Variants in BLNK observed in about 807,000 individuals in gnomAD.
BLNK encodes the protein B-cell linker protein.
BLNK carries 29 observed loss-of-function variants against 73.5 expected under a neutral mutation model. That is an observed-to-expected ratio of 0.39 (90% CI 0.29 to 0.54). The LOEUF is 0.54. Among genes scored for constraint, BLNK ranks in the 20% least tolerant of loss-of-function variants. The pLI, the probability that BLNK is intolerant of heterozygous loss-of-function variation, is 0.61. For missense variants in BLNK, 460 were observed against 562.8 expected, an observed-to-expected ratio of 0.82 and a Z score of 1.85; for synonymous variants, 176 against 200.8, an observed-to-expected ratio of 0.88 and a Z score of 1.04.
At chr10:96,254,821 T>A (rs1214138232) in intron 1 of BLNK, among the ~76,000 whole-genome samples, 1 of 152,072 alleles carries the variant, frequency 6.6e-6, no homozygotes, top group Non-Finnish European at 1.5e-5. Flanking sequence ...CTTCAATGAG[T>A]CTTTTATGAA....
intron 1 of BLNK, among the ~76,000 whole-genome samples, chr10:96,268,410 T>A (rs547335482): frequency 6.6e-6 from 1 of 152,210 alleles, no homozygotes; most frequent in African/African-American, 2.4e-5. Context: ...CTTTACCTTA[T>A]ACAATTAAGG....
intron 3 of BLNK, among the ~76,000 whole-genome samples, chr10:96,231,072 A>C (rs1842482701): frequency 6.6e-6 from 1 of 152,232 alleles, no homozygotes; most frequent in African/African-American, 2.4e-5. Context: ...CGTCTGATCC[A>C]TGTGTGGGCT....
chr10:96,210,864 T>TTG (rs2083930170), intron 8 of BLNK, among the ~76,000 whole-genome samples: 1 of 119,144 alleles, frequency 8.4e-6, no homozygotes, highest in African/African-American at 4.1e-5. Flanking sequence ...CACAATTCCG[T>TTG]TTTTTTTTTT....
At chr10:96,248,681 C>T (rs1043943492) in intron 1 of BLNK, among the ~76,000 whole-genome samples, 9 of 152,172 alleles carry the variant, frequency 5.9e-5, no homozygotes, top group African/African-American at 1.9e-4. Context: ...CTTCTCCCTG[C>T]TTCTTCTGCC....
Position 96,271,535 on chromosome 10 carries a change from G to A in BLNK, c.-137C>T, listed in dbSNP as rs1355454571. The A allele has an allele frequency of 5.7e-6, 5 of 878,612 alleles. No homozygotes were observed. In the African/African-American group the frequency reaches 8.3e-5, roughly 15 times the overall value. 54.4% of individuals were successfully genotyped at this position (878,612 alleles called of 1,614,324 possible). A position where few individuals can be genotyped will look rare whatever the true frequency, so the allele number is the denominator to read the frequency against. On this transcript the variant is annotated 5_prime_UTR_variant, in exon 1 of 17. Transcript: ENST00000224337. ...CTCAAGTCTGATTTCTGAGAGTGCA[G>A]GCTGCTGGCAAACACCCCTGCTCTA...
At chr10:96,269,421 C>CA (rs11295392) in intron 1 of BLNK, among the ~76,000 whole-genome samples, 4,636 of 136,608 alleles carry the variant, frequency 0.034, 76 homozygotes, top group Middle Eastern at 0.06. Context: ...TGTCTGAAAA[C>CA]AAAAAAAAAA....
intron 11 of BLNK, among the ~76,000 whole-genome samples, chr10:96,206,721 G>A (rs2083820481): frequency 6.6e-6 from 1 of 152,098 alleles, no homozygotes; most frequent in South Asian, 2.1e-4. Context: ...CATGTGAATG[G>A]CTCTACGTTA....
intron 12 of BLNK, chr10:96,204,306 A>T: frequency 1.4e-6 from 1 of 704,376 alleles, no homozygotes; most frequent in East Asian, 2.7e-5. Context: ...TGACTAAAGT[A>T]TTGTATTTTA....
intron 9 of BLNK, 119 bp from the exon 10 acceptor site, chr10:96,208,018 A>C: frequency 9.2e-7 from 1 of 1,090,276 alleles, no homozygotes; most frequent in South Asian, 1.3e-5. Flanking sequence ...AGTGTGTAGA[A>C]GACTATCCTT....
chr10:96,196,821 T>C (rs2083478493), intron 16 of BLNK, 87 bp downstream of exon 16: 19 of 1,332,998 alleles, frequency 1.4e-5, no homozygotes, highest in Non-Finnish European at 2.0e-5. Flanking sequence ...GTATCCTTTC[T>C]CCTCATCTCT....
intron 1 of BLNK, among the ~76,000 whole-genome samples, chr10:96,249,417 G>A (rs1554908520): frequency 6.6e-6 from 1 of 152,244 alleles, no homozygotes; most frequent in African/African-American, 2.4e-5. Flanking sequence ...GCAGGCCTGT[G>A]GGTGTCCTCT....
intron 6 of BLNK, among the ~76,000 whole-genome samples, chr10:96,222,453 C>A (rs1400765132): frequency 6.6e-6 from 1 of 152,188 alleles, no homozygotes; most frequent in Non-Finnish European, 1.5e-5. Context: ...ACACATTAGG[C>A]TTTATCAGTT....
At chr10:96,269,277 C>A (rs1440776885) in intron 1 of BLNK, among the ~76,000 whole-genome samples, 3 of 152,144 alleles carry the variant, frequency 2.0e-5, no homozygotes, top group Non-Finnish European at 2.9e-5. Context: ...CCATCAACTA[C>A]TCTGTGATCA....
intron 2 of BLNK, among the ~76,000 whole-genome samples, chr10:96,244,203 T>C (rs1306734995): frequency 6.6e-6 from 1 of 152,136 alleles, no homozygotes; most frequent in Non-Finnish European, 1.5e-5. Context: ...ATTAGTCCCA[T>C]GATGAGGTAT....
intron 8 of BLNK, among the ~76,000 whole-genome samples, chr10:96,213,045 C>T (rs1192611187): frequency 1.3e-5 from 2 of 152,148 alleles, no homozygotes; most frequent in African/African-American, 4.8e-5. Flanking sequence ...ACAGCTATAC[C>T]AGGTTAATAG....
rs2083593882 is a variant in BLNK, at chr10:96,200,220, A to C, written c.1012-62T>G. 1.4e-6 allele frequency: 2 copies of C among 1,405,328 alleles called. No individual in the cohort carries two copies. 87.1% of individuals were successfully genotyped at this position (1,405,328 alleles called of 1,614,324 possible). On this transcript the variant is annotated intron_variant, in intron 14 of 16. Transcript: ENST00000224337. The surrounding 1 kb of genome is among the most constrained non-coding windows in gnomAD (Gnocchi z 4.3). ...CCCTACTTAACTCTAATTTCTGTGTACTAGAAACAAAGACCCATTTGCATT... is the reference window on the plus strand; with the variant it reads ...CCCTACTTAACTCTAATTTCTGTGTCCTAGAAACAAAGACCCATTTGCATT...
chr10:96,243,315 C>T (rs1554906767), intron 2 of BLNK, among the ~76,000 whole-genome samples: 1 of 152,166 alleles, frequency 6.6e-6, no homozygotes, highest in Non-Finnish European at 1.5e-5. Flanking sequence ...GAGGCCAAGG[C>T]AGGAGGATCA....
rs782426278 is a variant in BLNK at position 96,190,240 on chromosome 10, G to A, written c.*1733C>T. The A allele has an allele frequency of 1.1e-4, 83 of 743,572 alleles. No individual in the cohort carries two copies. Among genetic ancestry groups the A allele is most frequent in the Non-Finnish European group, 1.9e-4 (77 of 406,174 alleles). 46.1% of individuals were successfully genotyped at this position (743,572 alleles called of 1,614,324 possible). On this transcript the variant is annotated 3_prime_UTR_variant, in exon 17 of 17. Transcript: ENST00000224337. ...TCCATCAGGTGGCGGCACACACTTA[G>A]GTGGGAGAGAAAGCAGACGGAGATA...
rs1591322192 is a variant in BLNK at position 96,221,001 on chromosome 10, G to A, written c.525+2825C>T. On this transcript the variant is annotated intron_variant, in intron 6 of 16. Transcript: ENST00000224337. ...TGATTAGCTATTAAATGCCCACATGGGCTGCATCCTCATTACCACTCATAT... is the reference window on the plus strand; with the variant it reads ...TGATTAGCTATTAAATGCCCACATGAGCTGCATCCTCATTACCACTCATAT... Among the ~76,000 whole-genome samples, 4 of 152,236 alleles carry A rather than the reference G, an allele frequency of 2.6e-5. No individual in the cohort carries two copies. In the South Asian group the frequency reaches 8.3e-4, roughly 32 times the overall value.
Sources: allele counts gnomAD v4.1 joint callset (sites outside exome capture counted in the v4.1 genomes callset), GRCh38; gene constraint gnomAD v4.1.1; non-coding constraint Gnocchi (gnomAD v3.1); transcripts MANE v1.5; gene names NCBI Gene and HGNC (gene_info 2026-07-23, HGNC 2026-07-21).